The following CA10 variants were observed in gnomAD, a reference collection of about 807,000 sequenced individuals.
The protein encoded by CA10 is carbonic anhydrase 10 (inactive).
CA10 carries 14 observed loss-of-function variants against 44.2 expected under a neutral mutation model. The ratio of observed to expected loss-of-function variants is 0.32; its 90% CI spans 0.21 to 0.50. The LOEUF (loss-of-function observed/expected upper bound fraction) is 0.50. Ranked by LOEUF, CA10 falls within the 20% of genes least tolerant of loss-of-function variation. The probability of loss-of-function intolerance (pLI) is 0.99; values close to 1 mark genes in which losing one functional copy is unlikely to be tolerated. For missense variants in CA10, 350 were observed against 409.7 expected (o/e 0.85, Z 1.26); for synonymous variants, 159 against 141.6 (o/e 1.12, Z -0.87).
At chr17:51,913,194 C>T (rs1981857771) in intron 3 of CA10, among the ~76,000 whole-genome samples, 1 of 152,154 alleles carries the variant, frequency 6.6e-6, no homozygotes, top group Non-Finnish European at 1.5e-5. Flanking sequence ...ATTCTAGCCT[C>T]TAAGACATTT....
At chr17:52,090,787 A>T (rs1278595389) in intron 1 of CA10, among the ~76,000 whole-genome samples, 1 of 152,114 alleles carries the variant, frequency 6.6e-6, no homozygotes, top group Non-Finnish European at 1.5e-5. Flanking sequence ...AATTCTGCCC[A>T]CACCCCTACA....
intron 3 of CA10, among the ~76,000 whole-genome samples, chr17:51,917,117 C>G (rs982581677): frequency 7.4e-4 from 113 of 152,310 alleles, no homozygotes; most frequent in African/African-American, 2.5e-3. Context: ...TCTCTATCAT[C>G]CAGCTCTCCA....
intron 2 of CA10, among the ~76,000 whole-genome samples, chr17:51,999,748 G>A (rs1985359656): frequency 6.6e-6 from 1 of 152,002 alleles, no homozygotes; most frequent in Non-Finnish European, 1.5e-5. Context: ...TTCTGTCCTT[G>A]TTTCCCTGAC....
chr17:51,947,530 C>T (rs1375721628), intron 2 of CA10, among the ~76,000 whole-genome samples: 1 of 152,188 alleles, frequency 6.6e-6, no homozygotes, highest in East Asian at 1.9e-4. Context: ...AGATGTTTAG[C>T]TTCACTTTAA....
intron 1 of CA10, among the ~76,000 whole-genome samples, chr17:52,151,150 T>C (rs1989694311): frequency 6.6e-6 from 1 of 152,164 alleles, no homozygotes; most frequent in Non-Finnish European, 1.5e-5. Flanking sequence ...CCCCATTAGC[T>C]AGCTCCTCAT....
In CA10 at chr17:52,052,450, T is replaced by C. The variant is rs186296214; in HGVS notation, c.136+19869A>G. ...GAGGACTCACTTAGTTTTGGCTTAT[T>C]ATCATTCAGGGCACACATATTTACT... is the stretch of plus-strand genomic sequence containing the variant. On this transcript the variant is annotated intron_variant, in intron 2 of 8. Transcript: ENST00000451037. Among the ~76,000 whole-genome samples, 119 of 152,076 alleles carry C rather than the reference T, an allele frequency of 7.8e-4. 1 individual carries two copies. The highest frequency in any genetic ancestry group is 6.8e-3 in the Admixed American group (104 of 15,230).
chr17:52,136,341 G>A (rs1332018674), intron 1 of CA10, among the ~76,000 whole-genome samples: 6 of 152,166 alleles, frequency 3.9e-5, no homozygotes, highest in African/African-American at 1.4e-4. Context: ...ACACCACCAA[G>A]TCTGTCTCCT....
chr17:51,795,563 G>A (rs1906674067), intron 3 of CA10, among the ~76,000 whole-genome samples: 1 of 152,230 alleles, frequency 6.6e-6, no homozygotes, highest in African/African-American at 2.4e-5. Context: ...AGAATACAGT[G>A]GCTACAAGAA....
intron 3 of CA10, among the ~76,000 whole-genome samples, chr17:51,785,136 C>T (rs1906217597): frequency 6.6e-6 from 1 of 152,146 alleles, no homozygotes; most frequent in Non-Finnish European, 1.5e-5. Context: ...GAATAGCACT[C>T]CATTGTGTAT....
rs541970755 is a variant in CA10, at chr17:51,734,182, G to T, written c.465+13451C>A. 9.5e-4 allele frequency among the ~76,000 whole-genome samples: 138 copies of T among 145,514 alleles called. 2 individuals carry two copies. The highest frequency in any genetic ancestry group is 5.5e-3 in the Admixed American group (80 of 14,626). On this transcript the variant is annotated intron_variant, in intron 4 of 8. Transcript: ENST00000451037. ...AGTGTGTACTCAATCTTTGGTTGGG[G>T]GGGGGGGGTTCCAATGTAACACAAA... is the stretch of plus-strand genomic sequence containing the variant.
chr17:51,778,760 G>A (rs949730196), intron 3 of CA10, among the ~76,000 whole-genome samples: 6 of 152,214 alleles, frequency 3.9e-5, no homozygotes, highest in African/African-American at 1.4e-4. Context: ...TCAGAGGAGA[G>A]TATGCTAGAA....
intron 3 of CA10, among the ~76,000 whole-genome samples, chr17:51,908,536 C>T (rs1981658492): frequency 6.6e-6 from 1 of 152,132 alleles, no homozygotes. Flanking sequence ...TGTTAAGAAG[C>T]CGAGTTTTCC....
intron 3 of CA10, among the ~76,000 whole-genome samples, chr17:51,748,276 G>A (rs1198820376): frequency 1.3e-5 from 2 of 152,154 alleles, no homozygotes; most frequent in African/African-American, 4.8e-5. Flanking sequence ...CATGGGAGAT[G>A]GAAAGCCTAG....
chr17:51,951,019 C>A (rs2144033190), intron 2 of CA10, among the ~76,000 whole-genome samples: 1 of 152,252 alleles, frequency 6.6e-6, no homozygotes, highest in East Asian at 1.9e-4. Context: ...TTTTGGAAAT[C>A]ACCAACTTAA....
In CA10 at chr17:51,631,400, G is replaced by A; in HGVS notation, c.*184C>T. On this transcript the variant is annotated 3_prime_UTR_variant, in exon 9 of 9. Transcript: ENST00000451037. Reference sequence around the variant, plus strand: ...TGCTTGTGTGTGTGTTTGTGAGTATGTGTGAGAGATGTATTCCTCTGCCAT... The same window carrying A: ...TGCTTGTGTGTGTGTTTGTGAGTATATGTGAGAGATGTATTCCTCTGCCAT... The A allele has an allele frequency of 1.5e-6, 1 of 680,646 alleles. No homozygotes were observed. The highest frequency in any genetic ancestry group is 2.3e-5 in the Admixed American group (1 of 42,892). 42.2% of individuals were successfully genotyped at this position (680,646 alleles called of 1,614,324 possible). A position where few individuals can be genotyped will look rare whatever the true frequency, so the allele number is the denominator to read the frequency against.
At chr17:52,029,177 T>C (rs2144169212) in intron 2 of CA10, among the ~76,000 whole-genome samples, 1 of 152,298 alleles carries the variant, frequency 6.6e-6, no homozygotes, top group African/African-American at 2.4e-5. Flanking sequence ...GAAGTTCCTC[T>C]TAGATCTTGC....
chr17:51,831,451 C>G (rs952108267), intron 3 of CA10, among the ~76,000 whole-genome samples: 6 of 152,082 alleles, frequency 3.9e-5, no homozygotes, highest in Non-Finnish European at 8.8e-5. Context: ...GCTGTGGTGG[C>G]TCAAAGTATC....
At chr17:51,697,250 A>C (rs1320168069) in intron 4 of CA10, among the ~76,000 whole-genome samples, 1 of 152,170 alleles carries the variant, frequency 6.6e-6, no homozygotes, top group East Asian at 1.9e-4. Context: ...ATTAAACATA[A>C]AGCTCTACCT....
At chr17:51,798,402 C>T (rs1906797428) in intron 3 of CA10, among the ~76,000 whole-genome samples, 1 of 152,202 alleles carries the variant, frequency 6.6e-6, no homozygotes, top group African/African-American at 2.4e-5. Context: ...TGCCCAATGG[C>T]ATTTATCTAC....
Sources: gnomAD v4.1 joint callset for allele counts (sites outside exome capture counted in the v4.1 genomes callset) on GRCh38, gnomAD v4.1.1 for gene constraint, MANE v1.5 for transcripts, NCBI Gene and HGNC (gene_info 2026-07-23, HGNC 2026-07-21) for gene names.